Variants in HACE1 observed in about 807,000 individuals in gnomAD.
The protein encoded by HACE1 is E3 ubiquitin-protein ligase HACE1.
A neutral mutation model predicts 118.4 loss-of-function variants in HACE1; 73 were observed. The ratio of observed to expected loss-of-function variants is 0.62; its 90% CI spans 0.51 to 0.75. HACE1 has a LOEUF of 0.75. Among genes scored for constraint, HACE1 ranks in the 30% least tolerant of loss-of-function variants. The pLI, the probability that HACE1 is intolerant of heterozygous loss-of-function variation, is 0.00. For missense variants in HACE1, 749 were observed against 1,102.2 expected (o/e 0.68, Z 4.54); for synonymous variants, 368 against 374.8 (o/e 0.98, Z 0.21).
chr6:104,772,502 C>A (rs1302977500), intron 17 of HACE1, among the ~76,000 whole-genome samples: 2 of 152,178 alleles, frequency 1.3e-5, no homozygotes, highest in East Asian at 3.8e-4. Context: ...TGTGCCAGTG[C>A]AGTAAGTATT....
intron 6 of HACE1, among the ~76,000 whole-genome samples, chr6:104,824,478 G>A (rs113653168): frequency 1.3e-5 from 2 of 152,184 alleles, no homozygotes; most frequent in African/African-American, 4.8e-5. Context: ...GTGCCCAAAG[G>A]TTAAAACTTA....
chr6:104,770,349 A>G (rs549393383), intron 19 of HACE1, among the ~76,000 whole-genome samples: 20 of 152,314 alleles, frequency 1.3e-4, no homozygotes, highest in African/African-American at 4.6e-4. Context: ...TTAAAGTCAT[A>G]TTATGACTTT....
chr6:104,819,693 T>G (rs942321498), intron 6 of HACE1, among the ~76,000 whole-genome samples: 1 of 151,988 alleles, frequency 6.6e-6, no homozygotes, highest in African/African-American at 2.4e-5. Flanking sequence ...AACAGACACA[T>G]AGACCAATGA....
intron 6 of HACE1, among the ~76,000 whole-genome samples, chr6:104,830,441 A>G (rs533205459): frequency 1.3e-5 from 2 of 152,358 alleles, no homozygotes; most frequent in South Asian, 4.1e-4. Flanking sequence ...CAGGAAACAG[A>G]AAAAGGATCC....
intron 14 of HACE1, among the ~76,000 whole-genome samples, chr6:104,779,487 T>C (rs1288050822): frequency 2.6e-5 from 4 of 152,356 alleles, no homozygotes; most frequent in Admixed American, 1.3e-4. Flanking sequence ...ATTTTGTCCA[T>C]ACTTGTAACA....
chr6:104,832,195 A>T (rs1774064262), intron 6 of HACE1, among the ~76,000 whole-genome samples: 1 of 152,212 alleles, frequency 6.6e-6, no homozygotes, highest in Admixed American at 6.5e-5. Flanking sequence ...AAGATAAAAT[A>T]AAATATGAAG....
At chr6:104,738,474 G>C (rs1275793940) in intron 22 of HACE1, among the ~76,000 whole-genome samples, 1 of 149,472 alleles carries the variant, frequency 6.7e-6, no homozygotes, top group Non-Finnish European at 1.5e-5. Context: ...AGTGCTTAAA[G>C]GAGCTGATGG....
chr6:104,814,688 T>C (rs1210700644), intron 6 of HACE1, among the ~76,000 whole-genome samples: 1 of 137,044 alleles, frequency 7.3e-6, no homozygotes, highest in South Asian at 2.2e-4. Context: ...TCCTGTTGAA[T>C]TGGAGGAGGG....
chr6:104,760,332 T>C (rs552348443), intron 19 of HACE1, among the ~76,000 whole-genome samples: 1 of 152,138 alleles, frequency 6.6e-6, no homozygotes, highest in African/African-American at 2.4e-5. Flanking sequence ...CAGCAGCACA[T>C]AAAAAGCTTA....
At chr6:104,821,261 T>C (rs1772683162) in intron 6 of HACE1, among the ~76,000 whole-genome samples, 1 of 152,004 alleles carries the variant, frequency 6.6e-6, no homozygotes. Context: ...TGTGATGAAA[T>C]AATCTGTACA....
chr6:104,856,442 T>G (rs552345364), intron 1 of HACE1, among the ~76,000 whole-genome samples: 336 of 92,896 alleles, frequency 3.6e-3, no homozygotes, highest in Middle Eastern at 0.019. Flanking sequence ...TATTTATGTG[T>G]TTTTTTTTTG....
At chr6:104,831,197 G>A (rs1199755494) in intron 6 of HACE1, 1 of 152,180 alleles carries the variant, frequency 6.6e-6, no homozygotes, top group African/African-American at 2.4e-5. Flanking sequence ...CTTAATGAGA[G>A]AGAAATAGCA....
rs1374091428 is a variant in HACE1, at chr6:104,777,273, T to C, written c.1611A>G (p.Ser537=). The change falls in exon 15 of 24, where the codon TCA becomes TCG. Residue 537 remains serine (S), a synonymous_variant. Transcript: ENST00000262903. ...GCACCATATCTGAATCTGGCTGTCC[T>C]GAATGCAAATGTTCATAGAACCATT... ...RCEWFYEHLH[S]GQPDSDMVHR... The C allele has an allele frequency of 6.2e-7, 1 of 1,613,716 alleles. No homozygotes were observed. The highest frequency in any genetic ancestry group is 1.3e-5 in the African/African-American group (1 of 75,066).
At chr6:104,843,188 C>T (rs1386244309) in intron 5 of HACE1, 35 bp downstream of exon 5, 2 of 1,055,158 alleles carry the variant, frequency 1.9e-6, no homozygotes, top group South Asian at 1.3e-5. Context: ...CTAAAACATA[C>T]TTTTAAAACA....
intron 7 of HACE1, among the ~76,000 whole-genome samples, chr6:104,808,272 C>T (rs995573092): frequency 1.1e-4 from 17 of 151,778 alleles, no homozygotes; most frequent in South Asian, 8.3e-4. Flanking sequence ...GAGGACAACA[C>T]GACTTTATGC....
At chr6:104,807,474 AC>A (rs891806965) in intron 7 of HACE1, among the ~76,000 whole-genome samples, 5 of 152,278 alleles carry the variant, frequency 3.3e-5, no homozygotes, top group African/African-American at 1.2e-4. Context: ...TTACTAATTT[AC>A]TGTATCTATA....
chr6:104,859,495 A>T, intron 1 of HACE1, 72 bp downstream of exon 1: 2 of 1,126,220 alleles, frequency 1.8e-6, no homozygotes, highest in Non-Finnish European at 2.4e-6. Flanking sequence ...CCCGACCTTG[A>T]CGCGGCCGGA....
chr6:104,832,359 T>C (rs901431454), intron 6 of HACE1, among the ~76,000 whole-genome samples: 4 of 149,940 alleles, frequency 2.7e-5, no homozygotes, highest in Non-Finnish European at 5.9e-5. Flanking sequence ...TGAACAGATA[T>C]AAAAGCACTA....
At chr6:104,829,928 T>C (rs1383770781) in intron 6 of HACE1, among the ~76,000 whole-genome samples, 1 of 152,228 alleles carries the variant, frequency 6.6e-6, no homozygotes, top group Non-Finnish European at 1.5e-5. Flanking sequence ...TACCACCTAA[T>C]TTTCAGTAAC....
Sources: gnomAD v4.1 joint callset for allele counts (sites outside exome capture counted in the v4.1 genomes callset) on GRCh38, gnomAD v4.1.1 for gene constraint, MANE v1.5 for transcripts, NCBI Gene and HGNC (gene_info 2026-07-23, HGNC 2026-07-21) for gene names.